Variants in CAMP observed in about 807,000 individuals in gnomAD.
CAMP encodes the protein 18 kDa cationic antimicrobial protein.
In CAMP, 10 loss-of-function variants were observed where a neutral mutation model predicts 12.7. The ratio of observed to expected loss-of-function variants is 0.79; its 90% confidence interval spans 0.49 to 1.34. The LOEUF (loss-of-function observed/expected upper bound fraction) is 1.34. Among genes scored for constraint, CAMP ranks in the 40% most tolerant of loss-of-function variants. CAMP has a pLI of 0.00. For synonymous variants in CAMP, 87 were observed against 85.2 expected (o/e 1.02, Z -0.12); for missense variants, 205 against 213.0 (o/e 0.96, Z 0.23).
In CAMP at chr3:48,224,747, T is replaced by C. The variant is rs562058711; in HGVS notation, c.381+73T>C. The stretch of plus-strand genomic sequence containing the variant: ...TGGACCATCCAATGGGTCAATTAAC[T>C]ACTCCCCCAACCCAGGACAGAGAAA... On this transcript the variant is annotated intron_variant, in intron 3 of 3. Transcript: ENST00000652295. 5.2e-4 allele frequency: 592 copies of C among 1,138,576 alleles called. 2 individuals are homozygous for C. The highest frequency in any genetic ancestry group is 5.8e-4 in the Non-Finnish European group (435 of 749,910). The allele number at this position is 1,138,576 out of a possible 1,614,324, so 70.5% of individuals were successfully genotyped here. A position where few individuals can be genotyped will look rare whatever the true frequency, so the allele number is the denominator to read the frequency against.
In CAMP at chr3:48,223,588, T is replaced by TG; in HGVS notation, c.79dup (p.Ala27GlyfsTer28). The TG allele has an allele frequency of 6.2e-7, 1 of 1,613,708 alleles. No individual in the cohort carries two copies. The highest frequency in any genetic ancestry group is 8.5e-7 in the Non-Finnish European group (1 of 1,179,736). On this transcript the variant is annotated frameshift_variant, in exon 1 of 4. Coordinates refer to ENST00000652295, the MANE Select transcript of CAMP (RefSeq NM_004345.5). LOFTEE classifies it high-confidence loss of function. ...CTGCTGCTGGGCCTGGTGATGCCTC[T>TG]GGCCATCATTGCCCAGGTCCTCAGC...
chr3:48,225,396 G>A lies in CAMP; in HGVS notation c.485G>A (p.Arg162Gln), dbSNP rs760861316. 21 of 1,613,480 alleles carry A rather than the reference G, an allele frequency of 1.3e-5. No homozygotes were observed. The highest frequency in any genetic ancestry group is 1.6e-4 in the Middle Eastern group (1 of 6,082). The change falls in exon 4 of 4, where the codon CGG (arginine) becomes CAG (glutamine). Residue 162 changes from arginine (R) to glutamine (Q), a missense_variant. By Grantham distance (43) the Arg-to-Gln change is conservative. Coordinates refer to ENST00000652295, the MANE Select transcript of CAMP (RefSeq NM_004345.5). ...GTCCAGAGAATCAAGGATTTTTTGCGGAATCTTGTACCCAGGACAGAGTCC... is the reference window on the plus strand; with the variant it reads ...GTCCAGAGAATCAAGGATTTTTTGCAGAATCTTGTACCCAGGACAGAGTCC... ...RIVQRIKDFL[R>Q]NLVPRTES is the part of the protein sequence containing the mutation.
chr3:48,224,563 C>G (rs767240220), intron 2 of CAMP, 40 bp from the exon 3 acceptor site: 3 of 1,585,936 alleles, frequency 1.9e-6, no homozygotes, highest in South Asian at 2.2e-5. Context: ...GAGGTCATGG[C>G]AAATGGTTTC....
At position 48,225,330 on chromosome 3, in the gene CAMP, G is replaced by C. The variant is rs531701238; in HGVS notation, c.419G>C (p.Arg140Pro). 1 of 1,613,240 alleles carries C rather than the reference G, an allele frequency of 6.2e-7. No individual in the cohort carries two copies. Among genetic ancestry groups the C allele is most frequent in the Admixed American group, 1.7e-5 (1 of 60,014 alleles). ...TTTGCCCTGCTGGGTGATTTCTTCC[G>C]GAAATCTAAAGAGAAGATTGGCAAA... ...KRFALLGDFF[R>P]KSKEKIGKEF... Residue 140 changes from arginine to proline, a missense_variant, in exon 4 of 4, where the codon CGG becomes CCG. Physicochemically the swap from Arg to Pro is moderately radical, Grantham distance 103. Transcript: ENST00000652295.
In CAMP at chr3:48,223,725, G is replaced by T; in HGVS notation, c.201+13G>T. 1 of 1,608,450 alleles carries T rather than the reference G, an allele frequency of 6.2e-7. No individual in the cohort carries two copies. The highest frequency in any genetic ancestry group is 1.1e-5 in the South Asian group (1 of 90,736). ...CAGGCCCACGATGGTGAGCTTTGGG[G>T]GACATTCTGCTCTGCTCTGGCTGGG... On this transcript the variant is annotated intron_variant, in intron 1 of 3. Transcript: ENST00000652295.
In CAMP at chr3:48,224,406, T is replaced by C; in HGVS notation, c.254T>C (p.Val85Ala). 2 of 1,613,910 alleles carry C rather than the reference T, an allele frequency of 1.2e-6. No homozygotes were observed. The highest frequency in any genetic ancestry group is 8.5e-7 in the Non-Finnish European group (1 of 1,179,896). Residue 85 changes from valine (V) to alanine (A), a missense_variant, in exon 2 of 4, where the codon GTG becomes GCG. Transcript: ENST00000652295. ...KPVSFTVKET[V>A]CPRTTQQSPE... ...GTGAGCTTCACAGTGAAGGAGACAG[T>C]GTGCCCCAGGACGACACAGCAGTCA...
Position 48,223,519 on chromosome 3 carries a change from C to CCTTT in CAMP, c.9_10insTTTC (p.Gln4PhefsTer52). On this transcript the variant is annotated frameshift_variant, in exon 1 of 4. Coordinates refer to ENST00000652295, the MANE Select transcript of CAMP (RefSeq NM_004345.5). LOFTEE classifies it high-confidence loss of function. ...GAGGCAGACATGGGGACCATGAAGA[C>CCTTT]CCAAAGGGATGGCCACTCCCTGGGG... 1 of 1,593,792 alleles carries CCTTT rather than the reference C, an allele frequency of 6.3e-7. No individual in the cohort carries two copies. Among genetic ancestry groups the CCTTT allele is most frequent in the Non-Finnish European group, 8.5e-7 (1 of 1,170,326 alleles).
Position 48,224,661 on chromosome 3 carries a change from T to A in CAMP, c.368T>A (p.Ile123Asn), listed in dbSNP as rs1176312374. Residue 123 changes from isoleucine (I) to asparagine (N), a missense_variant, in exon 3 of 4, where the codon ATC becomes AAC. Physicochemically the swap from Ile to Asn is moderately radical, Grantham distance 149. Transcript: ENST00000652295. ...AACCAGGCCAGGGGCTCCTTTGACA[T>A]CAGTTGTGATAAGGTGAGTGGGCTG... ...TLNQARGSFD[I>N]SCDKDNKRFA... 1 of 1,612,750 alleles carries A rather than the reference T, an allele frequency of 6.2e-7. No homozygotes were observed. Among genetic ancestry groups the A allele is most frequent in the African/African-American group, 1.3e-5 (1 of 74,798 alleles).
chr3:48,225,165 G>T, intron 3 of CAMP, 128 bp from the exon 4 acceptor site: 1 of 756,170 alleles, frequency 1.3e-6, no homozygotes. Context: ...CACAGCCAGA[G>T]GTTGAACTGG....
chr3:48,223,683 C>G lies in CAMP; in HGVS notation c.172C>G (p.Leu58Val). 6.2e-7 allele frequency: 1 copy of G among 1,614,106 alleles called. No individual in the cohort carries two copies. Among genetic ancestry groups the G allele is most frequent in the Non-Finnish European group, 8.5e-7 (1 of 1,179,964 alleles). ...GTCCTCGGATGCTAACCTCTACCGC[C>G]TCCTGGACCTGGACCCCAGGCCCAC... The part of the protein sequence containing the change: ...QRSSDANLYR[L>V]LDLDPRPTMD... Residue 58 changes from leucine to valine, a missense_variant, in exon 1 of 4, where the codon CTC becomes GTC. Coordinates refer to ENST00000652295, the MANE Select transcript of CAMP (RefSeq NM_004345.5).
rs2033495004 is a variant in CAMP, at chr3:48,225,369, T to C, written c.458T>C (p.Ile153Thr). 3 of 1,613,678 alleles carry C rather than the reference T, an allele frequency of 1.9e-6. No individual in the cohort carries two copies. Among genetic ancestry groups the C allele is most frequent in the African/African-American group, 1.3e-5 (1 of 74,892 alleles). Residue 153 changes from isoleucine to threonine, a missense_variant, in exon 4 of 4, where the codon ATT (isoleucine) becomes ACT (threonine). Physicochemically the swap from Ile to Thr is moderately conservative, Grantham distance 89. Coordinates refer to ENST00000652295, the MANE Select transcript of CAMP (RefSeq NM_004345.5). ...AAGATTGGCAAAGAGTTTAAAAGAA[T>C]TGTCCAGAGAATCAAGGATTTTTTG... ...KEKIGKEFKR[I>T]VQRIKDFLRN...
intron 3 of CAMP, among the ~76,000 whole-genome samples, chr3:48,224,906 A>T (rs1210830981): frequency 1.3e-5 from 2 of 152,006 alleles, no homozygotes; most frequent in Non-Finnish European, 2.9e-5. Flanking sequence ...CTCAGGCCCT[A>T]CTCAGACCTA....
At chr3:48,224,782 AC>A in intron 3 of CAMP, 108 bp downstream of exon 3, 2 of 861,724 alleles carry the variant, frequency 2.3e-6, no homozygotes, top group Non-Finnish European at 3.8e-6. Context: ...AGCCCCTCCT[AC>A]CCAGGGCTCT....
intron 3 of CAMP, among the ~76,000 whole-genome samples, 170 bp downstream of exon 3, chr3:48,224,844 C>T (rs867692324): frequency 3.9e-4 from 59 of 152,082 alleles, no homozygotes; most frequent in African/African-American, 1.4e-3. Context: ...TCCCTTAGAG[C>T]GGTAGATCTC....
chr3:48,223,922 G>A (rs1457936525), intron 1 of CAMP, among the ~76,000 whole-genome samples: 3 of 152,114 alleles, frequency 2.0e-5, no homozygotes, highest in Middle Eastern at 3.4e-3. Flanking sequence ...CCCTCACCCC[G>A]ACCCCACGCA....
chr3:48,224,392 A>G lies in CAMP; in HGVS notation c.240A>G (p.Thr80=), dbSNP rs768342929. The change falls in exon 2 of 4, where the codon ACA becomes ACG. Residue 80 remains threonine, a synonymous_variant. Coordinates refer to ENST00000652295, the MANE Select transcript of CAMP (RefSeq NM_004345.5). ...DPDTPKPVSF[T]VKETVCPRTT... is the part of the protein sequence containing the mutation. Reference sequence around the variant, plus strand: ...ACACGCCAAAGCCTGTGAGCTTCACAGTGAAGGAGACAGTGTGCCCCAGGA... The same window carrying G: ...ACACGCCAAAGCCTGTGAGCTTCACGGTGAAGGAGACAGTGTGCCCCAGGA... 2.5e-6 allele frequency: 4 copies of G among 1,613,968 alleles called. No individual in the cohort carries two copies. Among genetic ancestry groups the G allele is most frequent in the South Asian group, 1.1e-5 (1 of 91,068 alleles).
At position 48,223,680 on chromosome 3, in the gene CAMP, C is replaced by T. The variant is rs372347403; in HGVS notation, c.169C>T (p.Arg57Cys). The T allele has an allele frequency of 8.1e-6, 13 of 1,614,064 alleles. No individual in the cohort carries two copies. The highest frequency in any genetic ancestry group is 2.7e-5 in the African/African-American group (2 of 75,040). Reference sequence around the variant, plus strand: ...GCGGTCCTCGGATGCTAACCTCTACCGCCTCCTGGACCTGGACCCCAGGCC... The same window carrying T: ...GCGGTCCTCGGATGCTAACCTCTACTGCCTCCTGGACCTGGACCCCAGGCC... ...NQRSSDANLY[R>C]LLDLDPRPTM... Residue 57 changes from arginine to cysteine, a missense_variant, in exon 1 of 4, where the codon CGC becomes TGC. Transcript: ENST00000652295.
At chr3:48,224,796 C>T in intron 3 of CAMP, 122 bp downstream of exon 3, 1 of 772,990 alleles carries the variant, frequency 1.3e-6, no homozygotes, top group Non-Finnish European at 2.2e-6. Context: ...AGGGCTCTTC[C>T]CCAAACCTGA....
chr3:48,225,257 G>A (rs774935928), intron 3 of CAMP, 36 bp from the exon 4 acceptor site: 13 of 1,609,148 alleles, frequency 8.1e-6, no homozygotes, highest in East Asian at 2.2e-5. Flanking sequence ...GTACATCCCC[G>A]ACAAGGAACC....
Sources: gnomAD v4.1 joint callset for allele counts (sites outside exome capture counted in the v4.1 genomes callset) on GRCh38, gnomAD v4.1.1 for gene constraint, MANE v1.5 for transcripts, NCBI Gene and HGNC (gene_info 2026-07-23, HGNC 2026-07-21) for gene names.